Variants in AFF1 observed in about 807,000 individuals in gnomAD.
AFF1 encodes the protein ALF transcription elongation factor 1, also known as AF4/FMR2 family member 1.
Under a neutral mutation model 121.7 loss-of-function variants are expected in AFF1, and 48 were observed. The ratio of observed to expected loss-of-function variants is 0.39; its 90% CI spans 0.31 to 0.50. The LOEUF is 0.50. Among genes scored for constraint, AFF1 ranks in the 20% least tolerant of loss-of-function variants. The pLI is 0.76. For synonymous variants in AFF1, 613 were observed against 563.0 expected (o/e 1.09, Z -1.26); for missense variants, 1,523 against 1,511.7 (o/e 1.01, Z -0.12).
At chr4:87,121,084 G>A (rs146218672) in intron 12 of AFF1, among the ~76,000 whole-genome samples, 2 of 152,290 alleles carry the variant, frequency 1.3e-5, no homozygotes, top group African/African-American at 4.8e-5. Flanking sequence ...AGTCTGTGAG[G>A]ACCAATTCGT....
rs61071328 is a variant in AFF1 at position 87,013,032 on chromosome 4, C to CTTTTTTTTTTTT, written c.39-33119_39-33108dup. On this transcript the variant is annotated intron_variant, in intron 2 of 20. Coordinates refer to ENST00000395146, the MANE Select transcript of AFF1 (RefSeq NM_001166693.3). ...AACCAGATTGAACTGCTATCAAGTT[C>CTTTTTTTTTTTT]TTTTTTTTTTTTTTTTTTTTTTTTT... 1.4e-3 allele frequency among the ~76,000 whole-genome samples: 133 copies of CTTTTTTTTTTTT among 93,474 alleles called. 10 individuals carry two copies. The highest frequency in any genetic ancestry group is 1.5e-3 in the Non-Finnish European group (76 of 49,456). The allele number at this position is 93,474 out of a possible 152,430, so 61.3% of individuals were successfully genotyped here.
chr4:86,948,570 A>G lies in AFF1; in HGVS notation c.37A>G (p.Ser13Gly). 2 of 1,536,432 alleles carry G rather than the reference A, an allele frequency of 1.3e-6. No individual in the cohort carries two copies. The highest frequency in any genetic ancestry group is 1.7e-6 in the Non-Finnish European group (2 of 1,146,254). The change falls in exon 2 of 21, where the codon AGT becomes GGT. Residue 13 changes from serine (S) to glycine (G), a missense_variant and splice_region_variant. Transcript: ENST00000395146. ...AGAAAGAGTCAACAGCAGTGGCAAC[A>G]GGTAAGCATAGAATCTATGATTCAA... is the stretch of plus-strand genomic sequence containing the variant. ...FTERVNSSGNSLYNDDRNLLR... is the reference protein window; with the variant it reads ...FTERVNSSGNGLYNDDRNLLR...
intron 2 of AFF1, among the ~76,000 whole-genome samples, chr4:87,000,822 G>A (rs1261824929): frequency 6.6e-6 from 1 of 151,920 alleles, no homozygotes; most frequent in Non-Finnish European, 1.5e-5. Context: ...AAAAAACATT[G>A]AGTGAAGAGG....
intron 13 of AFF1, among the ~76,000 whole-genome samples, chr4:87,125,738 G>C (rs183538843): frequency 2.0e-5 from 3 of 152,214 alleles, no homozygotes; most frequent in Non-Finnish European, 4.4e-5. Context: ...TAGTGTCACC[G>C]TGTGGGAACC....
rs556192334 is a variant in AFF1 at position 86,983,747 on chromosome 4, A to G, written c.38+35176A>G. On this transcript the variant is annotated intron_variant, in intron 2 of 20. Transcript: ENST00000395146. ...AAAAAAAAAACAAAAAACAAATAAA[A>G]TACTTTGTCGCCAGGCGCAGTGGCT... Among the ~76,000 whole-genome samples the G allele has an allele frequency of 4.7e-5, 7 of 149,986 alleles. No individual in the cohort carries two copies. In the East Asian group the frequency reaches 8.0e-4, roughly 17 times the overall value.
At chr4:87,086,755 T>A (rs936132105) in intron 5 of AFF1, among the ~76,000 whole-genome samples, 2 of 152,202 alleles carry the variant, frequency 1.3e-5, no homozygotes, top group African/African-American at 4.8e-5. Context: ...TTCCTTTGCC[T>A]CCCGGTTCCC....
chr4:87,079,596 G>A lies in AFF1; in HGVS notation c.1060-4524G>A, dbSNP rs140414606. ...AATGCTAATATATTTGTTTCTTGCA[G>A]CAGTGTTGAGGTTTTTAGAAAACTG... On this transcript the variant is annotated intron_variant, in intron 4 of 20. Transcript: ENST00000395146. 6.8e-3 allele frequency among the ~76,000 whole-genome samples: 1,036 copies of A among 152,330 alleles called. 13 individuals carry two copies. The highest frequency in any genetic ancestry group is 0.024 in the African/African-American group (993 of 41,564).
At chr4:86,981,184 TTG>T (rs1295054909) in intron 2 of AFF1, among the ~76,000 whole-genome samples, 1 of 151,902 alleles carries the variant, frequency 6.6e-6, no homozygotes, top group African/African-American at 2.4e-5. Context: ...GGCTAATTTT[TTG>T]TGTTTTTAGT....
chr4:86,963,492 CAGGTTACTATGTGT>C (rs1177863714), intron 2 of AFF1, among the ~76,000 whole-genome samples: 3 of 152,162 alleles, frequency 2.0e-5, no homozygotes, highest in African/African-American at 4.8e-5. Context: ...CGCTTGCGTT[CAGGTTACTATGTGT>C]AGGTTACTAT....
chr4:87,131,827 A>C lies in AFF1; in HGVS notation c.3136A>C (p.Thr1046Pro). Residue 1046 changes from threonine (T) to proline (P), a missense_variant, in exon 18 of 21, where the codon ACA becomes CCA. Thr to Pro is a conservative substitution (Grantham distance 38, BLOSUM62 -1). Coordinates refer to ENST00000395146, the MANE Select transcript of AFF1 (RefSeq NM_001166693.3). ...IMSLKSFSDA[T>P]APTQEKIFAV... The stretch of plus-strand genomic sequence containing the variant: ...GTCATTAAAATCCTTCTCAGATGCC[A>C]CAGCGCCAACACAAGAGAAAATATT... 6.3e-7 allele frequency: 1 copy of C among 1,595,452 alleles called. No individual in the cohort carries two copies. Among genetic ancestry groups the C allele is most frequent in the Non-Finnish European group, 8.5e-7 (1 of 1,175,130 alleles).
intron 8 of AFF1, among the ~76,000 whole-genome samples, chr4:87,100,807 A>T (rs1440475320): frequency 6.6e-6 from 1 of 152,194 alleles, no homozygotes; most frequent in Non-Finnish European, 1.5e-5. Context: ...AAAGTATATC[A>T]TTCTTTTACC....
intron 4 of AFF1, among the ~76,000 whole-genome samples, chr4:87,058,360 G>A (rs777487205): frequency 2.1e-4 from 32 of 152,132 alleles, no homozygotes; most frequent in South Asian, 4.1e-4. Context: ...TGCAAATATA[G>A]GGTGGCACGG....
intron 15 of AFF1, among the ~76,000 whole-genome samples, chr4:87,127,419 T>C (rs1728390917): frequency 6.6e-6 from 1 of 152,118 alleles, no homozygotes; most frequent in Non-Finnish European, 1.5e-5. Context: ...TGCCTCGGCC[T>C]CCCAAAGTGC....
At chr4:87,100,225 C>T (rs1369561595) in intron 8 of AFF1, among the ~76,000 whole-genome samples, 2 of 151,976 alleles carry the variant, frequency 1.3e-5, no homozygotes, top group African/African-American at 4.8e-5. Context: ...GTATTTTACC[C>T]TCTCTGTGGG....
chr4:86,966,210 C>A (rs1722528754), intron 2 of AFF1, among the ~76,000 whole-genome samples: 1 of 152,024 alleles, frequency 6.6e-6, no homozygotes, highest in Non-Finnish European at 1.5e-5. Flanking sequence ...TTTTGCACTT[C>A]AGTAAATGCT....
At chr4:87,046,374 C>T in intron 3 of AFF1, 88 bp downstream of exon 3, 1 of 1,471,820 alleles carries the variant, frequency 6.8e-7, no homozygotes, top group Non-Finnish European at 9.2e-7. Flanking sequence ...TGAGTTCGAA[C>T]AAGGGTCACA....
At chr4:86,995,365 G>A (rs1423039083) in intron 2 of AFF1, among the ~76,000 whole-genome samples, 1 of 145,490 alleles carries the variant, frequency 6.9e-6, no homozygotes, top group Non-Finnish European at 1.5e-5. Flanking sequence ...ATGCCGAGCC[G>A]AAGCTGGACG....
intron 2 of AFF1, chr4:87,007,509 G>A (rs1388453100): frequency 3.8e-6 from 6 of 1,568,492 alleles, no homozygotes; most frequent in South Asian, 1.1e-5. Flanking sequence ...GTGCGGGGAA[G>A]GAGACGGACA....
chr4:86,997,001 T>C (rs1440518244), intron 2 of AFF1, among the ~76,000 whole-genome samples: 2 of 152,176 alleles, frequency 1.3e-5, no homozygotes, highest in African/African-American at 2.4e-5. Context: ...AACCTCTGCC[T>C]CCCGGGTTCA....
Sources: allele counts gnomAD v4.1 joint callset (sites outside exome capture counted in the v4.1 genomes callset), GRCh38; gene constraint gnomAD v4.1.1; transcripts MANE v1.5; gene names NCBI Gene and HGNC (gene_info 2026-07-23, HGNC 2026-07-21).